The following MYOM1 variants were observed in gnomAD, a reference collection of about 807,000 sequenced individuals.
The protein encoded by MYOM1 is myomesin 1.
A neutral mutation model predicts 205.3 loss-of-function variants in MYOM1; 164 were observed. The observed-to-expected ratio is 0.80, with a 90% confidence interval of 0.70 to 0.91. MYOM1 has a LOEUF of 0.91. MYOM1 is among the 40% of genes least tolerant of loss of function. The probability of loss-of-function intolerance (pLI) is 0.00; values close to 1 mark genes in which losing one functional copy is unlikely to be tolerated. For missense variants in MYOM1, 2,011 were observed against 2,127.3 expected, an observed-to-expected ratio of 0.95 and a Z score of 1.08; for synonymous variants, 772 against 789.4, an observed-to-expected ratio of 0.98 and a Z score of 0.37.
At chr18:3,119,325 G>A (rs555211285) in intron 20 of MYOM1, among the ~76,000 whole-genome samples, 7 of 152,266 alleles carry the variant, frequency 4.6e-5, no homozygotes, top group East Asian at 1.9e-4. Flanking sequence ...ACAGGTGCAC[G>A]AAATCCATCC....
chr18:3,067,783 T>A (rs542100753), intron 37 of MYOM1, among the ~76,000 whole-genome samples: 1 of 152,354 alleles, frequency 6.6e-6, no homozygotes, highest in South Asian at 2.1e-4. Flanking sequence ...GGCCTTTATA[T>A]GCTTTCTGGC....
At position 3,131,382 on chromosome 18, in the gene MYOM1, A is replaced by G; in HGVS notation, c.2499T>C (p.Ala833=). ...TATGCATAAGGAACTTACCAATAGC[A>G]GCTTTGACTTCAATAGCTTCTGAAT... The part of the protein sequence containing the change: ...SQDSEAIEVK[A]AIGGGVSPDV... The change falls in exon 17 of 38, where the codon GCT becomes GCC. Residue 833 remains alanine (A), a synonymous_variant. Coordinates refer to ENST00000356443, the MANE Select transcript of MYOM1 (RefSeq NM_003803.4). The G allele has an allele frequency of 6.2e-7, 1 of 1,613,916 alleles. No homozygotes were observed. Among genetic ancestry groups the G allele is most frequent in the Non-Finnish European group, 8.5e-7 (1 of 1,179,816 alleles).
intron 37 of MYOM1, among the ~76,000 whole-genome samples, chr18:3,067,934 T>C (rs1037775639): frequency 6.6e-6 from 1 of 152,226 alleles, no homozygotes; most frequent in African/African-American, 2.4e-5. Flanking sequence ...ATCTCATTGC[T>C]GTAATTGCCA....
At position 3,215,160 on chromosome 18, in the gene MYOM1, C is replaced by A. The variant is rs1791085; in HGVS notation, c.64G>T (p.Val22Leu). The A allele has an allele frequency of 7.9e-5, 128 of 1,613,500 alleles. No individual in the cohort carries two copies. Among genetic ancestry groups the A allele is most frequent in the East Asian group, 6.9e-4 (31 of 44,844 alleles). The stretch of plus-strand genomic sequence containing the variant: ...TGGTAGTGACTCACGGTGCTGCGCA[C>A]GTCCTTGTTGCGGTAGCTGAGATCA... ...HYDLSYRNKD[V>L]RSTVSHYQRE... Residue 22 changes from valine to leucine, a missense_variant, in exon 2 of 38, where the codon GTG becomes TTG. Physicochemically the swap from Val to Leu is conservative, Grantham distance 32. Transcript: ENST00000356443.
chr18:3,172,410 C>T (rs918306928), intron 8 of MYOM1, among the ~76,000 whole-genome samples: 2 of 152,078 alleles, frequency 1.3e-5, no homozygotes, highest in African/African-American at 4.8e-5. Context: ...GATGATGATA[C>T]AGTTGTGGAG....
chr18:3,126,285 A>G (rs1463409256), intron 19 of MYOM1, among the ~76,000 whole-genome samples: 3 of 148,824 alleles, frequency 2.0e-5, no homozygotes, highest in Non-Finnish European at 4.5e-5. Context: ...AAAAAAAAAG[A>G]AAGTTAAAAA....
At chr18:3,122,233 C>G (rs137862234) in intron 19 of MYOM1, among the ~76,000 whole-genome samples, 8 of 149,282 alleles carry the variant, frequency 5.4e-5, no homozygotes, top group African/African-American at 2.0e-4. Flanking sequence ...CAAAGACTGT[C>G]AGGGAGGAAA....
chr18:3,112,791 C>T (rs967033411), intron 21 of MYOM1, among the ~76,000 whole-genome samples: 3 of 152,284 alleles, frequency 2.0e-5, no homozygotes, highest in East Asian at 1.9e-4. Context: ...GCATATATGT[C>T]GCTTTTCCCC....
At chr18:3,070,727 G>T (rs925831619) in intron 37 of MYOM1, among the ~76,000 whole-genome samples, 1 of 139,596 alleles carries the variant, frequency 7.2e-6, no homozygotes, top group African/African-American at 2.8e-5. Flanking sequence ...AACCAGAGGT[G>T]CATGTTCTTT....
intron 9 of MYOM1, 135 bp downstream of exon 9, chr18:3,168,682 A>G (rs889554406): frequency 1.3e-6 from 1 of 777,340 alleles, no homozygotes; most frequent in South Asian, 2.1e-5. Flanking sequence ...TTTGCTACAC[A>G]TGTGAAAACC....
intron 16 of MYOM1, among the ~76,000 whole-genome samples, chr18:3,132,446 A>C (rs1354024981): frequency 6.6e-6 from 1 of 152,128 alleles, no homozygotes; most frequent in Non-Finnish European, 1.5e-5. Flanking sequence ...CACCAAGCCC[A>C]GCCAACTCAT....
chr18:3,126,185 A>G (rs2143861547), intron 19 of MYOM1, among the ~76,000 whole-genome samples: 1 of 151,424 alleles, frequency 6.6e-6, no homozygotes, highest in East Asian at 2.0e-4. Context: ...GAATCACTTT[A>G]ACCTGGGAGG....
chr18:3,154,616 TAC>T (rs10625884), intron 11 of MYOM1, among the ~76,000 whole-genome samples: 24,204 of 145,666 alleles, frequency 0.17, 2,111 homozygotes, highest in African/African-American at 0.22. Context: ...ACCTACTCAA[TAC>T]ACACACACAC....
At chr18:3,145,341 C>T (rs758567851) in intron 13 of MYOM1, among the ~76,000 whole-genome samples, 1 of 151,392 alleles carries the variant, frequency 6.6e-6, no homozygotes, top group African/African-American at 2.4e-5. Flanking sequence ...GCTTTTCAAG[C>T]GCACACTAAA....
intron 28 of MYOM1, 86 bp from the exon 29 acceptor site, chr18:3,089,327 C>CAA: frequency 9.5e-7 from 1 of 1,050,792 alleles, no homozygotes. Flanking sequence ...AGGTGATTTA[C>CAA]ATCTGAAGTC....
At chr18:3,201,021 T>C (rs1416317544) in intron 2 of MYOM1, among the ~76,000 whole-genome samples, 1 of 152,048 alleles carries the variant, frequency 6.6e-6, no homozygotes, top group Non-Finnish European at 1.5e-5. Flanking sequence ...AGGGGAACAA[T>C]AATACTGTTA....
At position 3,152,536 on chromosome 18, in the gene MYOM1, G is replaced by A. The variant is rs1355667706; in HGVS notation, c.1644-643C>T. On this transcript the variant is annotated intron_variant, in intron 11 of 37. Coordinates refer to ENST00000356443, the MANE Select transcript of MYOM1 (RefSeq NM_003803.4). This position sits in a 1 kb window ranked among gnomAD's most constrained non-coding sequence, Gnocchi z 4.3. ...CTTGGAAACACTGATTTCTAATTGA[G>A]TGCTTTTACAGCAGTTGGTACCTGG... Among the ~76,000 whole-genome samples the A allele has an allele frequency of 6.6e-6, 1 of 152,168 alleles. No individual in the cohort carries two copies. Among genetic ancestry groups the A allele is most frequent in the Non-Finnish European group, 1.5e-5 (1 of 68,046 alleles).
intron 14 of MYOM1, among the ~76,000 whole-genome samples, chr18:3,141,072 G>A (rs1014703264): frequency 6.6e-6 from 1 of 152,066 alleles, no homozygotes; most frequent in African/African-American, 2.4e-5. Flanking sequence ...CTCTTTAAAT[G>A]TCGTTTTCCA....
At position 3,131,570 on chromosome 18, in the gene MYOM1, TG is replaced by T; in HGVS notation, c.2385-75del. On this transcript the variant is annotated intron_variant, in intron 16 of 37. Transcript: ENST00000356443. ...GAAGATGATTGTTAGCTTAATGGAG[TG>T]GATCTGGCTTTATGAAAACAATTCT... The T allele has an allele frequency of 3.8e-6, 5 of 1,308,088 alleles. No homozygotes were observed. In the South Asian group the frequency reaches 6.7e-5, roughly 18 times the overall value. 81.0% of individuals were successfully genotyped at this position (1,308,088 alleles called of 1,614,324 possible).
Sources: allele counts gnomAD v4.1 joint callset (sites outside exome capture counted in the v4.1 genomes callset), GRCh38; gene constraint gnomAD v4.1.1; non-coding constraint Gnocchi (gnomAD v3.1); transcripts MANE v1.5; gene names NCBI Gene and HGNC (gene_info 2026-07-23, HGNC 2026-07-21).